Variants in AKAP19 observed in about 807,000 individuals in gnomAD.
AKAP19 encodes the protein small A-kinase anchoring protein.
At chr2:190,050,017 C>A in the AKAP19 span, among the ~76,000 whole-genome samples, 2 of 152,072 alleles carry the variant, frequency 1.3e-5, no homozygotes, top group African/African-American at 2.4e-5. Flanking sequence ...CCATTAGAAC[C>A]CCTAAGGATC....
At chr2:190,131,199 T>G in the AKAP19 span, among the ~76,000 whole-genome samples, 2 of 152,184 alleles carry the variant, frequency 1.3e-5, no homozygotes, top group African/African-American at 4.8e-5. Context: ...GCATCTTTTG[T>G]TCTAATGGGG....
the AKAP19 span, among the ~76,000 whole-genome samples, chr2:189,974,892 T>C: frequency 2.6e-5 from 4 of 152,170 alleles, no homozygotes; most frequent in Non-Finnish European, 5.9e-5. Flanking sequence ...GTGAGATGAG[T>C]CTCCTGAATA....
At chr2:190,072,985 TA>T in the AKAP19 span, among the ~76,000 whole-genome samples, 2 of 152,088 alleles carry the variant, frequency 1.3e-5, no homozygotes, top group Middle Eastern at 3.4e-3. Context: ...AAAACAAAAC[TA>T]AAAAGATAAA....
At chr2:190,024,208 T>A in the AKAP19 span, among the ~76,000 whole-genome samples, 1 of 151,812 alleles carries the variant, frequency 6.6e-6, no homozygotes, top group Non-Finnish European at 1.5e-5. Flanking sequence ...TTCCTAGGGA[T>A]GTGAGTCTAG....
chr2:190,144,840 G>A, the AKAP19 span, among the ~76,000 whole-genome samples: 1 of 152,068 alleles, frequency 6.6e-6, no homozygotes, highest in Admixed American at 6.6e-5. Context: ...AGCCAGGCAC[G>A]GTGGCACACC....
At chr2:190,062,384 G>A in the AKAP19 span, 2 of 1,613,454 alleles carry the variant, frequency 1.2e-6, no homozygotes, top group South Asian at 2.2e-5. Context: ...CTTTGCTGAT[G>A]TTAGGAGCTG....
the AKAP19 span, among the ~76,000 whole-genome samples, chr2:190,186,264 T>G: frequency 6.6e-6 from 1 of 152,212 alleles, no homozygotes; most frequent in Non-Finnish European, 1.5e-5. The surrounding 1 kb of genome is among the most constrained non-coding windows in gnomAD (Gnocchi z 5.5). Context: ...AATCACAATT[T>G]TTAGATGACT....
At chr2:190,000,771 GATTA>G in the AKAP19 span, among the ~76,000 whole-genome samples, 15 of 152,072 alleles carry the variant, frequency 9.9e-5, no homozygotes, top group Admixed American at 5.2e-4. Context: ...CTTTGCATAT[GATTA>G]ATTATTTTCT....
the AKAP19 span, among the ~76,000 whole-genome samples, chr2:190,004,860 G>A: frequency 6.6e-6 from 1 of 152,136 alleles, no homozygotes; most frequent in African/African-American, 2.4e-5. Flanking sequence ...CACTGTTGTA[G>A]GTTCAGTTGC....
the AKAP19 span, among the ~76,000 whole-genome samples, chr2:190,199,147 G>A: frequency 5.9e-5 from 9 of 152,268 alleles, no homozygotes; most frequent in Non-Finnish European, 1.0e-4. Flanking sequence ...GGTTCATGAG[G>A]TTTGGGGAGG....
chr2:190,138,392 A>G, the AKAP19 span, among the ~76,000 whole-genome samples: 1 of 152,176 alleles, frequency 6.6e-6, no homozygotes, highest in Non-Finnish European at 1.5e-5. Context: ...AGTATACAGT[A>G]AGTACTATAG....
At chr2:190,108,813 A>C in the AKAP19 span, among the ~76,000 whole-genome samples, 6 of 147,468 alleles carry the variant, frequency 4.1e-5, no homozygotes, top group African/African-American at 1.2e-4. Context: ...AACTTCTGGA[A>C]TTCTTAGTAA....
the AKAP19 span, among the ~76,000 whole-genome samples, chr2:190,154,776 G>C: frequency 6.6e-6 from 1 of 152,210 alleles, no homozygotes; most frequent in Non-Finnish European, 1.5e-5. Context: ...GATTCAAAGA[G>C]GAGAAATAAA....
At chr2:190,090,282 T>C in the AKAP19 span, among the ~76,000 whole-genome samples, 1 of 152,192 alleles carries the variant, frequency 6.6e-6, no homozygotes, top group Non-Finnish European at 1.5e-5. Context: ...AAGTAGGGGA[T>C]GGCCTGGTGA....
At chr2:189,991,636 A>G in the AKAP19 span, among the ~76,000 whole-genome samples, 1 of 151,634 alleles carries the variant, frequency 6.6e-6, no homozygotes, top group Non-Finnish European at 1.5e-5. Flanking sequence ...ATTTTCTCCC[A>G]CTCTGTGGTT....
the AKAP19 span, among the ~76,000 whole-genome samples, chr2:190,116,513 G>A: frequency 2.8e-4 from 42 of 152,154 alleles, no homozygotes; most frequent in Non-Finnish European, 4.4e-4. Context: ...TGCCTTTTGG[G>A]GGATACAGTT....
the AKAP19 span, among the ~76,000 whole-genome samples, chr2:190,161,211 A>G: frequency 6.6e-6 from 1 of 152,174 alleles, no homozygotes. Context: ...ACCTCATGCT[A>G]GGAAATTCTT....
chr2:189,971,280 A>T, the AKAP19 span, among the ~76,000 whole-genome samples: 1 of 152,164 alleles, frequency 6.6e-6, no homozygotes, highest in South Asian at 2.1e-4. Flanking sequence ...GATGGTTTCC[A>T]GCTTCATCCA....
the AKAP19 span, among the ~76,000 whole-genome samples, chr2:190,108,526 T>G: frequency 6.6e-6 from 1 of 152,244 alleles, no homozygotes; most frequent in Non-Finnish European, 1.5e-5. Context: ...TTATCCTTGG[T>G]GCTTAAATGG....
Sources: allele counts gnomAD v4.1 joint callset (sites outside exome capture counted in the v4.1 genomes callset), GRCh38; gene constraint gnomAD v4.1.1; non-coding constraint Gnocchi (gnomAD v3.1); transcripts MANE v1.5; gene names NCBI Gene and HGNC (gene_info 2026-07-23, HGNC 2026-07-21).